NNT: variants seen among roughly 807,000 people sequenced by gnomAD.
The protein encoded by NNT is nicotinamide nucleotide transhydrogenase.
A neutral mutation model predicts 104.8 loss-of-function variants in NNT; 50 were observed. That is an observed-to-expected ratio of 0.48 (90% CI 0.38 to 0.60). The LOEUF (loss-of-function observed/expected upper bound fraction) is 0.60. Ranked by LOEUF, NNT falls within the 20% of genes least tolerant of loss-of-function variation. The pLI, the probability that NNT is intolerant of heterozygous loss-of-function variation, is 0.00. For missense variants in NNT, 1,131 were observed against 1,330.7 expected (o/e 0.85, Z 2.33); for synonymous variants, 461 against 490.4 (o/e 0.94, Z 0.79).
chr5:43,670,390 A>G (rs1740990625), intron 17 of NNT, among the ~76,000 whole-genome samples: 1 of 152,004 alleles, frequency 6.6e-6, no homozygotes, highest in East Asian at 1.9e-4. Flanking sequence ...TCAATTTTAG[A>G]TCTTTTCTGC....
At chr5:43,667,766 C>G (rs1317567744) in intron 17 of NNT, among the ~76,000 whole-genome samples, 2 of 152,128 alleles carry the variant, frequency 1.3e-5, no homozygotes, top group East Asian at 3.8e-4. Flanking sequence ...GATTTATAAT[C>G]CCGTGGGTAT....
At chr5:43,617,558 T>C (rs1749856038) in intron 4 of NNT, among the ~76,000 whole-genome samples, 1 of 152,214 alleles carries the variant, frequency 6.6e-6, no homozygotes, top group East Asian at 1.9e-4. Context: ...GTCTCATTCA[T>C]ACACACAGCC....
Position 43,645,447 on chromosome 5 carries a change from G to C in NNT, c.1381G>C (p.Glu461Gln). ...GAAGACAGTGGCTGAGCTGGAAGCT[G>C]AAAAAGCAGCTACCATTACACCCTT... ...KQKTVAELEA[E>Q]KAATITPFRK... is the part of the protein sequence containing the mutation. The change falls in exon 10 of 22, where the codon GAA becomes CAA. Residue 461 changes from glutamate to glutamine, a missense_variant. Glu to Gln is a conservative substitution (Grantham distance 29, BLOSUM62 2). Transcript: ENST00000344920. 1.3e-6 allele frequency: 2 copies of C among 1,575,456 alleles called. No homozygotes were observed. The highest frequency in any genetic ancestry group is 1.4e-5 in the African/African-American group (1 of 73,190).
intron 6 of NNT, among the ~76,000 whole-genome samples, chr5:43,626,112 C>T (rs1477475903): frequency 6.6e-6 from 1 of 151,596 alleles, no homozygotes; most frequent in African/African-American, 2.4e-5. Flanking sequence ...AGTAAGCCCT[C>T]TATCCATGTT....
intron 17 of NNT, among the ~76,000 whole-genome samples, chr5:43,666,465 G>A (rs1022562536): frequency 2.6e-5 from 4 of 152,072 alleles, no homozygotes; most frequent in African/African-American, 9.7e-5. Flanking sequence ...GGCAGCGCGC[G>A]CCTGCAATCC....
At chr5:43,668,630 T>C (rs1452287555) in intron 17 of NNT, among the ~76,000 whole-genome samples, 23 of 152,188 alleles carry the variant, frequency 1.5e-4, no homozygotes, top group Non-Finnish European at 2.5e-4. Context: ...TTCTGTTCCA[T>C]TGGTCTATAT....
Position 43,650,575 on chromosome 5 carries a change from G to A in NNT, c.1705G>A (p.Val569Ile). 1 of 1,613,038 alleles carries A rather than the reference G, an allele frequency of 6.2e-7. No homozygotes were observed. Among genetic ancestry groups the A allele is most frequent in the Non-Finnish European group, 8.5e-7 (1 of 1,179,046 alleles). Residue 569 changes from valine to isoleucine, a missense_variant, in exon 12 of 22, where the codon GTC becomes ATC. Coordinates refer to ENST00000344920, the MANE Select transcript of NNT (RefSeq NM_182977.3). ...LAALAAFISSVNIAGGFLVTQ... is the reference protein window; with the variant it reads ...LAALAAFISSINIAGGFLVTQ... ...TGCTCTTGCTGCATTCATATCCTCT[G>A]TCAACATTGCAGGTATGATGTCAGT...
In NNT at chr5:43,677,735, C is replaced by T. The variant is rs199991759; in HGVS notation, c.2805C>T (p.Leu935=). ...NSIIITPGYG[L]CAAKAQYPIA... ...TAATGTTCCTTGCAGGCTATGGTCT[C>T]TGTGCAGCCAAAGCTCAATACCCCA... Residue 935 remains leucine, a synonymous_variant, in exon 19 of 22, where the codon CTC becomes CTT. Transcript: ENST00000344920. The T allele has an allele frequency of 1.7e-5, 28 of 1,613,542 alleles. No individual in the cohort carries two copies. Among genetic ancestry groups the T allele is most frequent in the Non-Finnish European group, 2.3e-5 (27 of 1,179,562 alleles).
chr5:43,615,296 A>T (rs532991557), intron 3 of NNT, among the ~76,000 whole-genome samples: 1 of 152,384 alleles, frequency 6.6e-6, no homozygotes, highest in South Asian at 2.1e-4. Context: ...CAATTCAGCA[A>T]GGTTACTAGT....
At chr5:43,666,848 T>A in intron 17 of NNT, 1 of 1,461,028 alleles carries the variant, frequency 6.8e-7, no homozygotes. Flanking sequence ...TGGGCCTTGG[T>A]TTGATCCTTG....
At chr5:43,681,094 A>C (rs756221724) in intron 19 of NNT, among the ~76,000 whole-genome samples, 6 of 151,854 alleles carry the variant, frequency 4.0e-5, no homozygotes, top group Admixed American at 3.3e-4. Context: ...CCCCGTCTCT[A>C]CTAAAAATAC....
chr5:43,686,707 A>G (rs542610378), intron 19 of NNT, among the ~76,000 whole-genome samples: 2 of 152,278 alleles, frequency 1.3e-5, no homozygotes, highest in South Asian at 4.1e-4. Context: ...TTATACAAAA[A>G]TGTATTTGAA....
chr5:43,644,936 A>G (rs1167755393), intron 9 of NNT, 134 bp downstream of exon 9: 1 of 641,698 alleles, frequency 1.6e-6, no homozygotes, highest in Middle Eastern at 4.4e-4. Context: ...TATGCTGATA[A>G]AAATTATTTG....
At chr5:43,677,622 C>T (rs187433027) in intron 18 of NNT, 103 bp from the exon 19 acceptor site, 48 of 981,296 alleles carry the variant, frequency 4.9e-5, no homozygotes, top group Admixed American at 7.4e-5. Context: ...TAAATGATTG[C>T]CTCTGTTGGC....
intron 5 of NNT, among the ~76,000 whole-genome samples, chr5:43,623,211 G>T (rs541012542): frequency 1.1e-4 from 17 of 152,180 alleles, no homozygotes; most frequent in Non-Finnish European, 2.2e-4. Flanking sequence ...GGGCATGATG[G>T]GTGGGTGGCA....
In NNT at chr5:43,706,798, G is replaced by A. The variant is rs896010658; in HGVS notation, c.*2394G>A. ...TGGAATACTATGCAGCCATAAAAAAGGATGAGTTCATGTCCTTTGTAGGGA... is the reference window on the plus strand; with the variant it reads ...TGGAATACTATGCAGCCATAAAAAAAGATGAGTTCATGTCCTTTGTAGGGA... On this transcript the variant is annotated 3_prime_UTR_variant, in exon 22 of 22. Transcript: ENST00000344920. 1 of 152,142 alleles carries A rather than the reference G, an allele frequency of 6.6e-6. No homozygotes were observed. The highest frequency in any genetic ancestry group is 2.4e-5 in the African/African-American group (1 of 41,412). 9.4% of individuals were successfully genotyped at this position (152,142 alleles called of 1,614,324 possible). A position where few individuals can be genotyped will look rare whatever the true frequency, so the allele number is the denominator to read the frequency against.
rs754852927 is a variant in NNT, at chr5:43,656,740, C to T, written c.2381C>T (p.Pro794Leu). 6.2e-7 allele frequency: 1 copy of T among 1,614,164 alleles called. No homozygotes were observed. Among genetic ancestry groups the T allele is most frequent in the South Asian group, 1.1e-5 (1 of 91,084 alleles). Residue 794 changes from proline to leucine, a missense_variant, in exon 16 of 22, where the codon CCA becomes CTA. Pro to Leu is a moderately conservative substitution (Grantham distance 98). Transcript: ENST00000344920. ...GCTGCTAGTGTGGGCGGGATAATCC[C>T]ATTCATGGTGGACCCAAGCTTTACT... is the stretch of plus-strand genomic sequence containing the variant. ...LLAASVGGIIPFMVDPSFTTG... is the reference protein window; with the variant it reads ...LLAASVGGIILFMVDPSFTTG...
intron 17 of NNT, among the ~76,000 whole-genome samples, chr5:43,672,399 T>G (rs1469850227): frequency 2.0e-5 from 3 of 152,260 alleles, no homozygotes; most frequent in African/African-American, 7.2e-5. Flanking sequence ...CTCTGTATTT[T>G]CCCCATCTTT....
intron 14 of NNT, among the ~76,000 whole-genome samples, chr5:43,653,983 G>T (rs1580050899): frequency 6.6e-6 from 1 of 151,628 alleles, no homozygotes; most frequent in African/African-American, 2.4e-5. Flanking sequence ...TTTTTTCCAG[G>T]AATTTTTAAA....
Sources: allele counts gnomAD v4.1 joint callset (sites outside exome capture counted in the v4.1 genomes callset), GRCh38; gene constraint gnomAD v4.1.1; transcripts MANE v1.5; gene names NCBI Gene and HGNC (gene_info 2026-07-23, HGNC 2026-07-21).